DPP10: variants seen among roughly 807,000 people sequenced by gnomAD.
DPP10 encodes dipeptidyl peptidase like 10.
A neutral mutation model predicts 120.9 loss-of-function variants in DPP10; 33 were observed. The observed-to-expected ratio is 0.27, with a 90% CI of 0.21 to 0.37. DPP10 has a LOEUF of 0.37. DPP10 is among the 10% of genes least tolerant of loss of function. The pLI, the probability that DPP10 is intolerant of heterozygous loss-of-function variation, is 1.00. For missense variants in DPP10, 816 were observed against 942.8 expected (o/e 0.87, Z 1.76); for synonymous variants, 337 against 326.1 (o/e 1.03, Z -0.36).
chr2:115,073,193 G>A (rs1382065789), intron 1 of DPP10, among the ~76,000 whole-genome samples: 3 of 152,218 alleles, frequency 2.0e-5, no homozygotes, highest in African/African-American at 7.2e-5. Context: ...TAATGTTCAT[G>A]TGTACATGGA....
chr2:115,289,502 A>G (rs374255402), intron 1 of DPP10, among the ~76,000 whole-genome samples: 18 of 117,936 alleles, frequency 1.5e-4, no homozygotes, highest in East Asian at 5.0e-4. Flanking sequence ...AAAAAAAAAA[A>G]AAGGAAGAAA....
chr2:115,658,652 A>G (rs950674344), intron 5 of DPP10, among the ~76,000 whole-genome samples: 2 of 152,148 alleles, frequency 1.3e-5, no homozygotes, highest in African/African-American at 4.8e-5. Flanking sequence ...TATTAGATCT[A>G]TGAGAACTGA....
intron 1 of DPP10, among the ~76,000 whole-genome samples, chr2:114,858,740 A>G (rs1045784119): frequency 2.0e-5 from 3 of 152,174 alleles, no homozygotes; most frequent in African/African-American, 7.2e-5. Context: ...TTACTATCAT[A>G]CCTACCATTC....
chr2:115,188,011 C>T (rs2054580513), intron 1 of DPP10, among the ~76,000 whole-genome samples: 1 of 149,600 alleles, frequency 6.7e-6, no homozygotes, highest in African/African-American at 2.5e-5. Context: ...CAGAGTGAGA[C>T]TATTTCAAAA....
chr2:114,800,758 A>T (rs1684123194), intron 1 of DPP10, among the ~76,000 whole-genome samples: 1 of 152,218 alleles, frequency 6.6e-6, no homozygotes, highest in African/African-American at 2.4e-5. Flanking sequence ...AGGCTCAGGT[A>T]GTTATAGAAA....
intron 1 of DPP10, among the ~76,000 whole-genome samples, chr2:114,497,565 G>A (rs1237721713): frequency 1.3e-5 from 2 of 151,336 alleles, no homozygotes; most frequent in African/African-American, 4.9e-5. Context: ...TCCCATTATG[G>A]GTCTATAATT....
intron 1 of DPP10, among the ~76,000 whole-genome samples, chr2:114,521,556 A>G (rs1433614277): frequency 6.6e-6 from 1 of 152,158 alleles, no homozygotes; most frequent in Non-Finnish European, 1.5e-5. Context: ...AAAGAGAAAA[A>G]TATAACACAG....
rs145036624 is a variant in DPP10 at position 114,870,691 on chromosome 2, TA to T, written c.60+427861del. The stretch of plus-strand genomic sequence containing the variant: ...AAAGAGGATGAGTTTCTGTTTTTAC[TA>T]AAAAAAATGATTCCAATGGTCAGGT... On this transcript the variant is annotated intron_variant, in intron 1 of 25. Coordinates refer to ENST00000410059, the MANE Select transcript of DPP10 (RefSeq NM_020868.6). Among the ~76,000 whole-genome samples the T allele has an allele frequency of 1.0e-2, 1,347 of 135,334 alleles. 188 individuals carry two copies. The highest frequency in any genetic ancestry group is 0.033 in the African/African-American group (1,281 of 38,906). 88.8% of individuals were successfully genotyped at this position (135,334 alleles called of 152,430 possible). A position where few individuals can be genotyped will look rare whatever the true frequency, so the allele number is the denominator to read the frequency against.
intron 3 of DPP10, among the ~76,000 whole-genome samples, chr2:115,419,725 A>G (rs1192651157): frequency 6.6e-6 from 1 of 152,166 alleles, no homozygotes; most frequent in Non-Finnish European, 1.5e-5. Flanking sequence ...ATTCCTGATG[A>G]CTTAAATAAG....
intron 1 of DPP10, among the ~76,000 whole-genome samples, chr2:114,557,163 C>G (rs924698227): frequency 2.6e-5 from 4 of 151,940 alleles, no homozygotes; most frequent in African/African-American, 9.7e-5. Context: ...CTTTTTCTCT[C>G]TAGTAGTAGT....
chr2:114,834,367 T>C (rs555821938), intron 1 of DPP10, among the ~76,000 whole-genome samples: 3 of 151,018 alleles, frequency 2.0e-5, no homozygotes, highest in East Asian at 3.9e-4. Context: ...CACCTATGTA[T>C]ATAAAAGACA....
intron 1 of DPP10, among the ~76,000 whole-genome samples, chr2:114,849,104 A>T (rs1688758747): frequency 6.6e-6 from 1 of 152,156 alleles, no homozygotes; most frequent in African/African-American, 2.4e-5. Context: ...GGAACTTCTT[A>T]GTGCCCATAT....
At chr2:115,525,234 T>C (rs1167482159) in intron 4 of DPP10, among the ~76,000 whole-genome samples, 3 of 152,180 alleles carry the variant, frequency 2.0e-5, no homozygotes, top group Non-Finnish European at 4.4e-5. Flanking sequence ...CAAATATCTC[T>C]ATTTCAAGTG....
intron 3 of DPP10, among the ~76,000 whole-genome samples, chr2:115,395,013 A>T (rs888456450): frequency 6.6e-6 from 1 of 152,204 alleles, no homozygotes; most frequent in African/African-American, 2.4e-5. Flanking sequence ...ACAAAAGTTT[A>T]TGTTCTCAAA....
At chr2:115,234,585 A>AG (rs1311861494) in intron 1 of DPP10, 2 of 152,380 alleles carry the variant, frequency 1.3e-5, no homozygotes, top group Non-Finnish European at 2.9e-5. Context: ...GAAGGCAAGA[A>AG]GAATAGCAGT....
At chr2:115,017,212 ATAAAATT>A (rs1702708967) in intron 1 of DPP10, among the ~76,000 whole-genome samples, 1 of 151,834 alleles carries the variant, frequency 6.6e-6, no homozygotes, top group African/African-American at 2.4e-5. Context: ...TATAATAATA[ATAAAATT>A]TAAAAAAATT....
At chr2:115,582,371 G>C (rs1230468264) in intron 5 of DPP10, among the ~76,000 whole-genome samples, 1 of 152,122 alleles carries the variant, frequency 6.6e-6, no homozygotes, top group African/African-American at 2.4e-5. Flanking sequence ...GCACATGCTT[G>C]AGCTCCACTT....
intron 1 of DPP10, among the ~76,000 whole-genome samples, chr2:114,941,667 T>C (rs766031751): frequency 3.9e-5 from 6 of 152,222 alleles, no homozygotes; most frequent in Non-Finnish European, 5.9e-5. Context: ...TTGTTGAGAT[T>C]AATTCAATGT....
intron 11 of DPP10, among the ~76,000 whole-genome samples, 172 bp from the exon 12 acceptor site, chr2:115,762,400 A>G (rs1231940016): frequency 6.6e-6 from 1 of 152,092 alleles, no homozygotes; most frequent in African/African-American, 2.4e-5. Flanking sequence ...TTTAGTCCCT[A>G]TTCTCTACTT....
Sources: allele counts gnomAD v4.1 joint callset (sites outside exome capture counted in the v4.1 genomes callset), GRCh38; gene constraint gnomAD v4.1.1; transcripts MANE v1.5; gene names NCBI Gene and HGNC (gene_info 2026-07-23, HGNC 2026-07-21).